The following SLC2A13 variants were observed in gnomAD, a reference collection of about 807,000 sequenced individuals.
The protein encoded by SLC2A13 is solute carrier family 2 member 13.
In SLC2A13, 32 loss-of-function variants were observed where a neutral mutation model predicts 64.4. The observed-to-expected ratio is 0.50, with a 90% CI of 0.37 to 0.67. The LOEUF (loss-of-function observed/expected upper bound fraction) is 0.67. SLC2A13 is among the 30% of genes least tolerant of loss of function. The pLI is 0.00. For synonymous variants in SLC2A13, 338 were observed against 327.1 expected, an observed-to-expected ratio of 1.03 and a Z score of -0.36; for missense variants, 743 against 829.2, an observed-to-expected ratio of 0.90 and a Z score of 1.28.
chr12:39,825,939 C>T (rs1942657079), intron 7 of SLC2A13, among the ~76,000 whole-genome samples: 1 of 151,938 alleles, frequency 6.6e-6, no homozygotes, highest in Non-Finnish European at 1.5e-5. Context: ...TTTGAAGTTG[C>T]TTTTTGGGTG....
chr12:40,041,150 C>T (rs1356552905), intron 2 of SLC2A13, among the ~76,000 whole-genome samples: 1 of 152,076 alleles, frequency 6.6e-6, no homozygotes, highest in Non-Finnish European at 1.5e-5. Context: ...CGGGGTTTCG[C>T]CATCTTGGCC....
At chr12:39,844,026 A>T (rs895485096) in intron 6 of SLC2A13, among the ~76,000 whole-genome samples, 9 of 152,062 alleles carry the variant, frequency 5.9e-5, no homozygotes, top group African/African-American at 2.2e-4. Flanking sequence ...AAATAAAAAT[A>T]AGGTAAGAAC....
Position 39,932,619 on chromosome 12 carries a change from CG to C in SLC2A13, c.1034+18637del, listed in dbSNP as rs1444887006. On this transcript the variant is annotated intron_variant, in intron 4 of 9. Coordinates refer to ENST00000280871, the MANE Select transcript of SLC2A13 (RefSeq NM_052885.4). The stretch of plus-strand genomic sequence containing the variant: ...GAATTTTAGACAATGATAAACATGA[CG>C]GGAAAAAATGGATTGATGTGATATT... 2.6e-5 allele frequency among the ~76,000 whole-genome samples: 4 copies of C among 151,992 alleles called. No homozygotes were observed. In the East Asian group the frequency reaches 7.7e-4, roughly 29 times the overall value.
chr12:40,102,543 A>G (rs753873796), intron 1 of SLC2A13, among the ~76,000 whole-genome samples: 6 of 152,220 alleles, frequency 3.9e-5, no homozygotes, highest in African/African-American at 7.2e-5. Context: ...CATGGGCCGT[A>G]TATTTTACCA....
chr12:39,799,307 G>A (rs4768186), intron 7 of SLC2A13, among the ~76,000 whole-genome samples: 3 of 132,628 alleles, frequency 2.3e-5, no homozygotes, highest in Admixed American at 8.6e-5. Flanking sequence ...ATGGGGTTTC[G>A]CTGTGTTGGC....
intron 4 of SLC2A13, chr12:39,908,051 C>T (rs1456690715): frequency 6.6e-6 from 1 of 152,052 alleles, no homozygotes; most frequent in African/African-American, 2.4e-5. Flanking sequence ...ACCACATAGA[C>T]TTATCTATTA....
intron 6 of SLC2A13, among the ~76,000 whole-genome samples, chr12:39,833,375 C>T (rs1400093012): frequency 6.6e-6 from 1 of 151,976 alleles, no homozygotes; most frequent in South Asian, 2.1e-4. Context: ...TTCCTTACTC[C>T]AAGAACAACT....
chr12:39,889,605 A>T (rs1228528005), intron 4 of SLC2A13, among the ~76,000 whole-genome samples: 2 of 138,802 alleles, frequency 1.4e-5, no homozygotes, highest in Non-Finnish European at 3.0e-5. Context: ...CCATCTTGGC[A>T]CACCACAACC....
intron 3 of SLC2A13, among the ~76,000 whole-genome samples, chr12:39,973,684 G>C (rs1382758451): frequency 6.6e-6 from 1 of 152,122 alleles, no homozygotes; most frequent in African/African-American, 2.4e-5. Context: ...TCACCCAGGT[G>C]CTTAAGCAAC....
chr12:40,066,789 GAAGT>G (rs1028444180), intron 1 of SLC2A13, among the ~76,000 whole-genome samples: 1 of 152,266 alleles, frequency 6.6e-6, no homozygotes, highest in East Asian at 1.9e-4. Context: ...AAGTTAAAAT[GAAGT>G]AAGTCAATGA....
rs1397085162 is a variant in SLC2A13, at chr12:39,837,101, T to A, written c.1320-6873A>T. Among the ~76,000 whole-genome samples, 101 of 94,370 alleles carry A rather than the reference T, an allele frequency of 1.1e-3. 1 individual carries two copies. The highest frequency in any genetic ancestry group is 1.6e-3 in the Non-Finnish European group (81 of 50,506). 61.9% of individuals were successfully genotyped at this position (94,370 alleles called of 152,430 possible). A position where few individuals can be genotyped will look rare whatever the true frequency, so the allele number is the denominator to read the frequency against. On this transcript the variant is annotated intron_variant, in intron 6 of 9. Coordinates refer to ENST00000280871, the MANE Select transcript of SLC2A13 (RefSeq NM_052885.4). ...CTGACTTCAAACTATACTACAAGGC[T>A]ACAGTAACCAAAACAGCATGGTACT... is the stretch of plus-strand genomic sequence containing the variant.
chr12:39,896,825 T>C (rs1944934027), intron 4 of SLC2A13, among the ~76,000 whole-genome samples: 2 of 152,128 alleles, frequency 1.3e-5, no homozygotes, highest in Admixed American at 6.5e-5. Context: ...ATTCTGTCAA[T>C]AGTGTGACAA....
chr12:39,801,493 T>A (rs1420574623), intron 7 of SLC2A13, among the ~76,000 whole-genome samples: 3 of 152,184 alleles, frequency 2.0e-5, no homozygotes, highest in Admixed American at 6.5e-5. Context: ...ATAGTCTAAT[T>A]TCTCTTGGCA....
chr12:39,768,503 TGA>T (rs1566764888), intron 7 of SLC2A13, among the ~76,000 whole-genome samples: 2 of 152,076 alleles, frequency 1.3e-5, no homozygotes, highest in Non-Finnish European at 2.9e-5. Flanking sequence ...TGATTTAAAG[TGA>T]GAGTCGTGCT....
chr12:39,868,535 A>T (rs1299972475), intron 5 of SLC2A13, among the ~76,000 whole-genome samples: 1 of 152,200 alleles, frequency 6.6e-6, no homozygotes, highest in Non-Finnish European at 1.5e-5. Context: ...AGTTTAGTAG[A>T]TCTGGGTTAA....
intron 4 of SLC2A13, among the ~76,000 whole-genome samples, chr12:39,906,437 G>A (rs1413787820): frequency 1.3e-5 from 2 of 152,016 alleles, no homozygotes; most frequent in African/African-American, 2.4e-5. Flanking sequence ...AAAGTCACTA[G>A]ATAACTTTCC....
chr12:39,876,883 T>C (rs1413736248), intron 4 of SLC2A13, among the ~76,000 whole-genome samples: 1 of 152,222 alleles, frequency 6.6e-6, no homozygotes, highest in Non-Finnish European at 1.5e-5. Flanking sequence ...GCCATATTCA[T>C]ATTGTGATAT....
intron 3 of SLC2A13, among the ~76,000 whole-genome samples, chr12:39,988,922 T>C (rs952807187): frequency 6.6e-6 from 1 of 152,098 alleles, no homozygotes; most frequent in African/African-American, 2.4e-5. Context: ...ACAACCCCCA[T>C]AGCAATCACC....
At chr12:39,831,376 C>G (rs1267403449) in intron 6 of SLC2A13, among the ~76,000 whole-genome samples, 1 of 152,040 alleles carries the variant, frequency 6.6e-6, no homozygotes, top group Non-Finnish European at 1.5e-5. Flanking sequence ...AAAGATCAGT[C>G]AGCACAGACT....
Sources: allele counts gnomAD v4.1 joint callset (sites outside exome capture counted in the v4.1 genomes callset), GRCh38; gene constraint gnomAD v4.1.1; transcripts MANE v1.5; gene names NCBI Gene and HGNC (gene_info 2026-07-23, HGNC 2026-07-21).